Variants in CCDC7 observed in about 807,000 individuals in gnomAD.
CCDC7 encodes coiled-coil domain containing 7, also known as coiled-coil domain-containing protein 7.
CCDC7 carries 183 observed loss-of-function variants against 196.9 expected under a neutral mutation model. The ratio of observed to expected loss-of-function variants is 0.93; its 90% CI spans 0.82 to 1.05. The LOEUF is 1.05. Ranked by LOEUF, CCDC7 falls within the 50% of genes least tolerant of loss-of-function variation. The pLI is 0.00. For missense variants in CCDC7, 1,540 were observed against 1,482.2 expected (o/e 1.04, Z -0.64); for synonymous variants, 525 against 484.6 (o/e 1.08, Z -1.10).
chr10:32,684,340 C>T (rs902350094), intron 21 of CCDC7, among the ~76,000 whole-genome samples: 4 of 152,192 alleles, frequency 2.6e-5, no homozygotes, highest in Non-Finnish European at 5.9e-5. Context: ...TGCGGAGACT[C>T]CATGCAGCTT....
intron 23 of CCDC7, among the ~76,000 whole-genome samples, chr10:32,693,178 C>G (rs2077286505): frequency 6.6e-6 from 1 of 152,048 alleles, no homozygotes; most frequent in Non-Finnish European, 1.5e-5. Context: ...AATTTTCACC[C>G]CACCTTCTTT....
At chr10:32,631,456 G>A (rs59397331) in intron 18 of CCDC7, among the ~76,000 whole-genome samples, 1 of 152,040 alleles carries the variant, frequency 6.6e-6, no homozygotes, top group East Asian at 1.9e-4. Flanking sequence ...AAATTGCTTG[G>A]CCATAAATGT....
intron 15 of CCDC7, among the ~76,000 whole-genome samples, chr10:32,568,741 C>T (rs1021308361): frequency 2.6e-5 from 4 of 152,126 alleles, no homozygotes; most frequent in African/African-American, 4.8e-5. Flanking sequence ...TCTGTGTATA[C>T]GGGCTAGTCA....
exon 13 of CCDC7, chr10:32,544,262 A>G: frequency 6.2e-7 from 1 of 1,608,306 alleles, no homozygotes; most frequent in Non-Finnish European, 8.5e-7. Flanking sequence ...TGTCTCCAGA[A>G]AAAGAGTTTA....
At chr10:32,443,370 A>G (rs2030458476), upstream of CCDC7, among the ~76,000 whole-genome samples, 1 of 151,954 alleles carries the variant, frequency 6.6e-6, no homozygotes, top group African/African-American at 2.4e-5. Context: ...CTTCACATAA[A>G]CCCAGTTGCT....
chr10:32,814,425 A>G, exon 31 of CCDC7: 1 of 1,611,978 alleles, frequency 6.2e-7, no homozygotes, highest in East Asian at 2.2e-5. Context: ...TAAAGGATGA[A>G]TTCAAGACAC....
intron 28 of CCDC7, among the ~76,000 whole-genome samples, chr10:32,756,440 G>C (rs1480582538): frequency 6.6e-6 from 1 of 152,180 alleles, no homozygotes; most frequent in Non-Finnish European, 1.5e-5. Context: ...AGAAGAGAGT[G>C]GGGGCCAATA....
chr10:32,802,751 G>A (rs771860850), intron 29 of CCDC7, among the ~76,000 whole-genome samples: 7 of 152,228 alleles, frequency 4.6e-5, no homozygotes, highest in Admixed American at 6.5e-5. Context: ...AACTACTGGT[G>A]TAGGTCCAAG....
intron 9 of CCDC7, among the ~76,000 whole-genome samples, chr10:32,515,154 C>T (rs1183179969): frequency 6.6e-6 from 1 of 152,152 alleles, no homozygotes; most frequent in Non-Finnish European, 1.5e-5. Context: ...CAATACTTCC[C>T]AAATTGTCCT....
intron 18 of CCDC7, among the ~76,000 whole-genome samples, chr10:32,607,156 G>A (rs1010775270): frequency 6.6e-6 from 1 of 152,110 alleles, no homozygotes; most frequent in South Asian, 2.1e-4. Context: ...TTCTCCATGG[G>A]AGACACTGGC....
chr10:32,751,926 A>G (rs1432210309), intron 28 of CCDC7, among the ~76,000 whole-genome samples: 1 of 152,178 alleles, frequency 6.6e-6, no homozygotes, highest in Non-Finnish European at 1.5e-5. Flanking sequence ...TTCAGTGCCT[A>G]TAATAAATGC....
At chr10:32,596,632 A>G (rs1021343963) in intron 18 of CCDC7, among the ~76,000 whole-genome samples, 4 of 152,172 alleles carry the variant, frequency 2.6e-5, no homozygotes, top group South Asian at 2.1e-4. Context: ...AGCCTCGACG[A>G]TCTTTACAAT....
intron 33 of CCDC7, among the ~76,000 whole-genome samples, chr10:32,843,827 T>C (rs748171842): frequency 4.6e-5 from 7 of 151,982 alleles, no homozygotes; most frequent in Non-Finnish European, 7.4e-5. Flanking sequence ...TCTATAGATG[T>C]GCTTATGTTC....
chr10:32,663,079 C>T (rs2071855528), intron 20 of CCDC7, among the ~76,000 whole-genome samples: 2 of 150,120 alleles, frequency 1.3e-5, no homozygotes, highest in African/African-American at 5.1e-5. Context: ...CTTCTTCATC[C>T]TTCTTGGGCA....
rs186215776 is a variant in CCDC7, at chr10:32,594,711, C to T, written c.1801+10407C>T. On this transcript the variant is annotated intron_variant, in intron 18 of 41. Transcript: ENST00000639629. ...TTGTCATAGATAGTTCTTATTGTTTCGAGATATGTCCCATCAATACCTAAT... is the reference window on the plus strand; with the variant it reads ...TTGTCATAGATAGTTCTTATTGTTTTGAGATATGTCCCATCAATACCTAAT... Among the ~76,000 whole-genome samples the T allele has an allele frequency of 3.2e-3, 482 of 152,088 alleles. 2 individuals are homozygous for T. Among genetic ancestry groups the T allele is most frequent in the Admixed American group, 9.5e-3 (145 of 15,272 alleles).
chr10:32,470,277 C>T (rs1385230143), intron 5 of CCDC7, among the ~76,000 whole-genome samples: 1 of 152,174 alleles, frequency 6.6e-6, no homozygotes, highest in African/African-American at 2.4e-5. Flanking sequence ...GAGATGTCTA[C>T]ATGGGTGGAT....
intron 28 of CCDC7, among the ~76,000 whole-genome samples, chr10:32,751,647 A>C (rs2075676046): frequency 6.6e-6 from 1 of 152,178 alleles, no homozygotes; most frequent in Non-Finnish European, 1.5e-5. Flanking sequence ...TCAAGACTGT[A>C]GCCTCTCAGG....
chr10:32,878,788 T>C (rs2094683797), downstream of CCDC7, among the ~76,000 whole-genome samples: 1 of 152,114 alleles, frequency 6.6e-6, no homozygotes, highest in South Asian at 2.1e-4. Context: ...CAGGGAGTAT[T>C]TCTCTAGTCT....
At position 32,472,545 on chromosome 10, in the gene CCDC7, G is replaced by T; in HGVS notation, c.739+3G>T. 6.4e-7 allele frequency: 1 copy of T among 1,564,818 alleles called. No individual in the cohort carries two copies. Among genetic ancestry groups the T allele is most frequent in the South Asian group, 1.2e-5 (1 of 80,304 alleles). On this transcript the variant is annotated splice_donor_region_variant and intron_variant, in intron 7 of 41. Coordinates refer to ENST00000639629, the Ensembl canonical transcript of CCDC7. ...AGCTCTGGCACAGAAAATTGAAGGT[G>T]ATAATATTTTATATATGTTTATCCT...
Sources: allele counts gnomAD v4.1 joint callset (sites outside exome capture counted in the v4.1 genomes callset), GRCh38; gene constraint gnomAD v4.1.1; transcripts MANE v1.5; gene names NCBI Gene and HGNC (gene_info 2026-07-23, HGNC 2026-07-21).